The following SLC13A1 variants were observed in gnomAD, a reference collection of about 807,000 sequenced individuals.
The protein encoded by SLC13A1 is Na(+)/sulfate cotransporter.
A neutral mutation model predicts 70.0 loss-of-function variants in SLC13A1; 65 were observed. The ratio of observed to expected loss-of-function variants is 0.93; its 90% CI spans 0.76 to 1.14. The LOEUF is 1.14. SLC13A1 is among the 50% of genes most tolerant of loss of function. The probability of loss-of-function intolerance (pLI) is 0.00; values close to 1 mark genes in which losing one functional copy is unlikely to be tolerated. For missense variants in SLC13A1, 726 were observed against 717.8 expected, an observed-to-expected ratio of 1.01 and a Z score of -0.13; for synonymous variants, 275 against 250.5, an observed-to-expected ratio of 1.10 and a Z score of -0.92.
In SLC13A1 at chr7:123,171,803, C is replaced by T. The variant is rs1348916225; in HGVS notation, c.330G>A (p.Leu110=). 5 of 1,613,900 alleles carry T rather than the reference C, an allele frequency of 3.1e-6. No homozygotes were observed. Among genetic ancestry groups the T allele is most frequent in the South Asian group, 2.2e-5 (2 of 91,054 alleles). ...EKWNLHKRIA[L]KMVMMVGVNP... ...TTACACCAACCATCATCACCATTTT[C>T]AGAGCAATTCTCTTGTGCAAATTCC... Residue 110 remains leucine, a synonymous_variant, in exon 3 of 15, where the codon CTG becomes CTA. Coordinates refer to ENST00000194130, the MANE Select transcript of SLC13A1 (RefSeq NM_022444.4).
chr7:123,133,531 T>TTTTATTTA lies in SLC13A1; in HGVS notation c.932+871_932+878dup, dbSNP rs1186422399. ...AGATTATTTGTTTTCTAATCTTTATTTTTATTTATTTATTTATTTATTTGA... is the reference window on the plus strand; with the variant it reads ...AGATTATTTGTTTTCTAATCTTTATTTTTATTTATTTATTTATTTATTTATTTATTTGA... On this transcript the variant is annotated intron_variant, in intron 8 of 14. Coordinates refer to ENST00000194130, the MANE Select transcript of SLC13A1 (RefSeq NM_022444.4). 5.3e-5 allele frequency among the ~76,000 whole-genome samples: 8 copies of TTTTATTTA among 152,128 alleles called. No individual in the cohort carries two copies. In the East Asian group the frequency reaches 1.5e-3, roughly 29 times the overall value.
chr7:123,165,850 CTT>C (rs1563341597), intron 6 of SLC13A1, among the ~76,000 whole-genome samples: 1 of 152,104 alleles, frequency 6.6e-6, no homozygotes, highest in Non-Finnish European at 1.5e-5. Flanking sequence ...TCTTTTTACT[CTT>C]TTGCTTTCAC....
chr7:123,142,660 G>GAGTCTTACTTTATTGCCC (rs140530822), intron 7 of SLC13A1, among the ~76,000 whole-genome samples: 1 of 132,690 alleles, frequency 7.5e-6, no homozygotes. Flanking sequence ...TTTTTTGATG[G>GAGTCTTACTTTATTGCCC]AGGCTGGAGT....
chr7:123,145,162 A>C (rs1794306917), intron 7 of SLC13A1, among the ~76,000 whole-genome samples: 1 of 152,186 alleles, frequency 6.6e-6, no homozygotes, highest in Non-Finnish European at 1.5e-5. Flanking sequence ...ACAAGTTACT[A>C]TGTGCCAGAC....
intron 7 of SLC13A1, among the ~76,000 whole-genome samples, chr7:123,142,666 G>T (rs867366257): frequency 2.0e-5 from 2 of 99,880 alleles, no homozygotes; most frequent in Non-Finnish European, 2.2e-5. Context: ...GATGGAGGCT[G>T]GAGTGCAGTA....
intron 7 of SLC13A1, among the ~76,000 whole-genome samples, chr7:123,142,583 A>G (rs1794192378): frequency 6.6e-6 from 1 of 151,646 alleles, no homozygotes; most frequent in African/African-American, 2.4e-5. Flanking sequence ...GAGTCTCTAC[A>G]GTCTCACCCA....
intron 8 of SLC13A1, among the ~76,000 whole-genome samples, chr7:123,130,733 A>G (rs2116321904): frequency 6.6e-6 from 1 of 152,292 alleles, no homozygotes; most frequent in East Asian, 1.9e-4. Context: ...AATTTAAAAA[A>G]GAAGTAAAAC....
intron 1 of SLC13A1, among the ~76,000 whole-genome samples, chr7:123,182,914 A>G (rs1001564306): frequency 6.6e-6 from 1 of 152,140 alleles, no homozygotes; most frequent in African/African-American, 2.4e-5. Flanking sequence ...CTCATTTTGC[A>G]TTCAAACCCA....
chr7:123,147,347 C>T (rs1393170000), intron 6 of SLC13A1, 37 bp from the exon 7 acceptor site: 1 of 1,605,086 alleles, frequency 6.2e-7, no homozygotes, highest in South Asian at 1.1e-5. Context: ...ATGAGAACTG[C>T]TCTATATTTG....
At chr7:123,181,226 G>A (rs1215228714) in intron 1 of SLC13A1, 125 bp from the exon 2 acceptor site, 7 of 943,540 alleles carry the variant, frequency 7.4e-6, no homozygotes, top group Non-Finnish European at 1.0e-5. Context: ...GAAGACCTCT[G>A]CATCTTTGAG....
At chr7:123,184,225 C>T (rs1795728212) in intron 1 of SLC13A1, among the ~76,000 whole-genome samples, 1 of 151,996 alleles carries the variant, frequency 6.6e-6, no homozygotes, top group Admixed American at 6.6e-5. Flanking sequence ...AGTGGAATGA[C>T]TAAGTCTAGC....
In SLC13A1 at chr7:123,144,032, A is replaced by C. The variant is rs1385292119; in HGVS notation, c.812+3127T>G. Among the ~76,000 whole-genome samples, 3 of 152,302 alleles carry C rather than the reference A, an allele frequency of 2.0e-5. 1 individual carries two copies. The highest frequency in any genetic ancestry group is 6.8e-3 in the Middle Eastern group (2 of 294). On this transcript the variant is annotated intron_variant, in intron 7 of 14. Transcript: ENST00000194130. ...GCAAGATATTTTAGATATATTTGGA[A>C]TAAAACCTAGGAAATGGAGAAAAGA...
chr7:123,128,483 C>T (rs1012550932), intron 10 of SLC13A1, among the ~76,000 whole-genome samples: 1 of 151,256 alleles, frequency 6.6e-6, no homozygotes, highest in Non-Finnish European at 1.5e-5. Flanking sequence ...GGAAAGGAAC[C>T]CAAGCAGTGT....
intron 12 of SLC13A1, among the ~76,000 whole-genome samples, chr7:123,120,887 G>C (rs1317882854): frequency 6.6e-6 from 1 of 151,906 alleles, no homozygotes; most frequent in Non-Finnish European, 1.5e-5. Context: ...CTACCTGTAG[G>C]CCACTGAAAT....
intron 10 of SLC13A1, 112 bp from the exon 11 acceptor site, chr7:123,125,787 G>A: frequency 1.4e-6 from 1 of 730,686 alleles, no homozygotes. Context: ...GTAGTAGGTG[G>A]TGTAGGTTAT....
At chr7:123,151,343 A>T (rs898548708) in intron 6 of SLC13A1, among the ~76,000 whole-genome samples, 1 of 148,332 alleles carries the variant, frequency 6.7e-6, no homozygotes, top group Non-Finnish European at 1.5e-5. Context: ...ACAAAACAAA[A>T]CTATATATAT....
intron 2 of SLC13A1, among the ~76,000 whole-genome samples, chr7:123,179,680 C>T (rs1408562744): frequency 6.6e-6 from 1 of 152,128 alleles, no homozygotes; most frequent in Non-Finnish European, 1.5e-5. Flanking sequence ...TTTCTATGTC[C>T]CTTCCCATAA....
intron 1 of SLC13A1, among the ~76,000 whole-genome samples, chr7:123,189,796 T>G (rs1795938482): frequency 1.3e-5 from 2 of 152,182 alleles, no homozygotes; most frequent in African/African-American, 4.8e-5. Flanking sequence ...GAGATTTTTT[T>G]CTTCTCTATT....
At chr7:123,187,630 T>C (rs986183105) in intron 1 of SLC13A1, among the ~76,000 whole-genome samples, 2 of 152,208 alleles carry the variant, frequency 1.3e-5, no homozygotes, top group Admixed American at 6.5e-5. Flanking sequence ...CAGACATTAA[T>C]ACATTAATAA....
Sources: allele counts gnomAD v4.1 joint callset (sites outside exome capture counted in the v4.1 genomes callset), GRCh38; gene constraint gnomAD v4.1.1; transcripts MANE v1.5; gene names NCBI Gene and HGNC (gene_info 2026-07-23, HGNC 2026-07-21).